THAP9: variants seen among roughly 807,000 people sequenced by gnomAD.
THAP9 encodes the protein THAP domain containing 9.
A neutral mutation model predicts 35.7 loss-of-function variants in THAP9; 20 were observed. The ratio of observed to expected loss-of-function variants is 0.56; its 90% confidence interval spans 0.39 to 0.81. The LOEUF is 0.81. Ranked by LOEUF, THAP9 falls within the 40% of genes least tolerant of loss-of-function variation. The pLI, the probability that THAP9 is intolerant of heterozygous loss-of-function variation, is 0.00. For missense variants in THAP9, 870 were observed against 1,047.4 expected, an observed-to-expected ratio of 0.83 and a Z score of 2.34; for synonymous variants, 335 against 373.7, an observed-to-expected ratio of 0.90 and a Z score of 1.19.
chr4:82,900,969 CT>C, intron 1 of THAP9, 87 bp downstream of exon 1: 1 of 1,483,724 alleles, frequency 6.7e-7, no homozygotes, highest in Non-Finnish European at 9.3e-7. Flanking sequence ...CCGGGCCGCA[CT>C]GTGGGTCGCG....
rs774120395 is a variant in THAP9 at position 82,917,653 on chromosome 4, C to T, written c.1441C>T (p.Leu481Phe). The change falls in exon 5 of 5, where the codon CTC becomes TTC. Residue 481 changes from leucine (L) to phenylalanine (F), a missense_variant. Transcript: ENST00000302236. ...ACTGAAAGTGAATAGTGCCACCCAA[C>T]TCTTTAGTGAGAGTGTAGCCAGTGC... ...HVLKVNSATQ[L>F]FSESVASALE... 1 of 1,613,520 alleles carries T rather than the reference C, an allele frequency of 6.2e-7. No homozygotes were observed. Among genetic ancestry groups the T allele is most frequent in the Admixed American group, 1.7e-5 (1 of 59,966 alleles).
At chr4:82,907,985 A>G (rs1248519937) in intron 4 of THAP9, 50 bp downstream of exon 4, 2 of 1,536,574 alleles carry the variant, frequency 1.3e-6, no homozygotes, top group Admixed American at 1.8e-5. Context: ...TTGTCAGGAC[A>G]TCTTGTTGAT....
intron 4 of THAP9, among the ~76,000 whole-genome samples, chr4:82,912,908 T>C (rs962410613): frequency 1.3e-5 from 2 of 152,204 alleles, no homozygotes; most frequent in African/African-American, 4.8e-5. Flanking sequence ...GGTTGATACT[T>C]AAGGGCGTGT....
At position 82,906,479 on chromosome 4, in the gene THAP9, A is replaced by C; in HGVS notation, c.432A>C (p.Gln144His). The C allele has an allele frequency of 6.2e-7, 1 of 1,613,860 alleles. No individual in the cohort carries two copies. Residue 144 changes from glutamine (Q) to histidine (H), a missense_variant, in exon 3 of 5, where the codon CAA becomes CAC. This residue lies in a region of THAP9 where 440 missense variants were observed against 501.2 expected (regional missense o/e 0.88). Transcript: ENST00000302236. Reference protein sequence around the residue: ...IGAEKLAEVQQMLQVSKKRLI... With the variant: ...IGAEKLAEVQHMLQVSKKRLI... ...CAGAGAAACTGGCTGAGGTGCAACA[A>C]ATGTTACAAGTGTCCAAAAAAAGAC...
chr4:82,910,148 G>A (rs1164443300), intron 4 of THAP9: 1 of 151,812 alleles, frequency 6.6e-6, no homozygotes, highest in Non-Finnish European at 1.5e-5. Flanking sequence ...TAATTCCAGC[G>A]CACATTTATC....
intron 2 of THAP9, chr4:82,905,907 G>A (rs779090753): frequency 4.4e-6 from 2 of 456,178 alleles, no homozygotes; most frequent in South Asian, 1.5e-5. Context: ...CTAATTGAGG[G>A]AGCTAAGATT....
At chr4:82,907,670 C>G in intron 3 of THAP9, 115 bp from the exon 4 acceptor site, 2 of 780,856 alleles carry the variant, frequency 2.6e-6, no homozygotes. Flanking sequence ...AATCAAAATG[C>G]AACTATATTT....
intron 4 of THAP9, among the ~76,000 whole-genome samples, chr4:82,909,446 A>G (rs902837639): frequency 2.0e-5 from 3 of 151,260 alleles, no homozygotes; most frequent in Non-Finnish European, 2.9e-5. Context: ...GTGTGCACTT[A>G]GATTTATTAG....
chr4:82,901,706 A>T (rs1578440942), intron 1 of THAP9, among the ~76,000 whole-genome samples: 2 of 37,112 alleles, frequency 5.4e-5, no homozygotes, highest in East Asian at 2.3e-3. Context: ...TATAAAATTC[A>T]TTGATTTTTT....
rs749090475 is a variant in THAP9, at chr4:82,900,780, G to A, written c.-23G>A. On this transcript the variant is annotated 5_prime_UTR_variant, in exon 1 of 5. The change creates a new upstream start codon in the 5' untranslated region. Transcript: ENST00000302236. ...TCATGCTGTCGCGGGAACCCCGAAG[G>A]TGGGGCCCCACGTAACAAGAAGATG... 3.3e-5 allele frequency: 53 copies of A among 1,613,444 alleles called. No homozygotes were observed. The highest frequency in any genetic ancestry group is 4.4e-5 in the Non-Finnish European group (52 of 1,179,954).
intron 4 of THAP9, among the ~76,000 whole-genome samples, chr4:82,912,965 G>A (rs1183009854): frequency 6.6e-6 from 1 of 152,130 alleles, no homozygotes; most frequent in Non-Finnish European, 1.5e-5. Context: ...AATAGATTCA[G>A]TATACAATTT....
chr4:82,907,764 T>C, intron 3 of THAP9, 21 bp from the exon 4 acceptor site: 1 of 1,554,154 alleles, frequency 6.4e-7, no homozygotes. Context: ...TCACAAAGAA[T>C]AAAAAAATTT....
chr4:82,911,760 T>C (rs190664905), intron 4 of THAP9, among the ~76,000 whole-genome samples: 10 of 152,310 alleles, frequency 6.6e-5, no homozygotes, highest in Admixed American at 5.9e-4. Flanking sequence ...CTCAAAGTTA[T>C]TAACTGAGAG....
chr4:82,913,526 T>G (rs1384854849), intron 4 of THAP9: 1 of 152,232 alleles, frequency 6.6e-6, no homozygotes, highest in African/African-American at 2.4e-5. Context: ...GCTGTAGCAC[T>G]GCTATACTGT....
rs1578449490 is a variant in THAP9, at chr4:82,909,131, T to C, written c.731+1196T>C. Among the ~76,000 whole-genome samples, 4 of 146,240 alleles carry C rather than the reference T, an allele frequency of 2.7e-5. No homozygotes were observed. In the Admixed American group the frequency reaches 2.7e-4, roughly 10 times the overall value. On this transcript the variant is annotated intron_variant, in intron 4 of 4. Coordinates refer to ENST00000302236, the MANE Select transcript of THAP9 (RefSeq NM_024672.6). Reference sequence around the variant, plus strand: ...CGTGTTGGCCAGGCTAATCTCGAACTCCTGATCTCGTGATCCACCCACCTC... The same window carrying C: ...CGTGTTGGCCAGGCTAATCTCGAACCCCTGATCTCGTGATCCACCCACCTC...
intron 1 of THAP9, chr4:82,903,634 G>C (rs1720518459): frequency 6.6e-6 from 1 of 152,554 alleles, no homozygotes; most frequent in Non-Finnish European, 1.5e-5. Context: ...AAACAATATA[G>C]TAAATATACT....
rs1392398269 is a variant in THAP9, at chr4:82,906,366, A to G, written c.319A>G (p.Ile107Val). 3 of 1,608,482 alleles carry G rather than the reference A, an allele frequency of 1.9e-6. No homozygotes were observed. Among genetic ancestry groups the G allele is most frequent in the Non-Finnish European group, 2.5e-6 (3 of 1,177,086 alleles). Residue 107 changes from isoleucine to valine, a missense_variant, in exon 3 of 5, where the codon ATC (isoleucine) becomes GTC (valine). Coordinates refer to ENST00000302236, the MANE Select transcript of THAP9 (RefSeq NM_024672.6). ...VHLKGKARQK[I>V]LKQPLPDNSQ... ...TCTTAAAGGTAAAGCAAGACAAAAAATCCTAAAACAACCTCTTCCAGACAA... is the reference window on the plus strand; with the variant it reads ...TCTTAAAGGTAAAGCAAGACAAAAAGTCCTAAAACAACCTCTTCCAGACAA...
rs1247991132 is a variant in THAP9 at position 82,917,556 on chromosome 4, A to G, written c.1344A>G (p.Val448=). 1 of 1,614,026 alleles carries G rather than the reference A, an allele frequency of 6.2e-7. No individual in the cohort carries two copies. Among genetic ancestry groups the G allele is most frequent in the South Asian group, 1.1e-5 (1 of 91,068 alleles). ...IAHWQHLVEL[V]ALEEQELSNM... ...ATTGGCAGCACCTCGTGGAGTTAGTAGCACTGGAGGAACAGGAATTATCAA... is the reference window on the plus strand; with the variant it reads ...ATTGGCAGCACCTCGTGGAGTTAGTGGCACTGGAGGAACAGGAATTATCAA... The change falls in exon 5 of 5, where the codon GTA becomes GTG. Residue 448 remains valine (V), a synonymous_variant. Transcript: ENST00000302236.
rs765542775 is a variant in THAP9 at position 82,907,867 on chromosome 4, G to A, written c.663G>A (p.Leu221=). 4 of 1,611,866 alleles carry A rather than the reference G, an allele frequency of 2.5e-6. No individual in the cohort carries two copies. Among genetic ancestry groups the A allele is most frequent in the South Asian group, 2.2e-5 (2 of 90,328 alleles). The part of the protein sequence containing the change: ...EMKQFACTLY[L]CSSKVYDYVR... ...AACAATTTGCATGTACACTCTACTTGTGCAGTAGCAAAGTCTATGATTATG... is the reference window on the plus strand; with the variant it reads ...AACAATTTGCATGTACACTCTACTTATGCAGTAGCAAAGTCTATGATTATG... Residue 221 remains leucine, a synonymous_variant, in exon 4 of 5, where the codon TTG becomes TTA. Coordinates refer to ENST00000302236, the MANE Select transcript of THAP9 (RefSeq NM_024672.6).
Sources: gnomAD v4.1 joint callset for allele counts (sites outside exome capture counted in the v4.1 genomes callset) on GRCh38, gnomAD v4.1.1 for gene constraint, gnomAD v4.1.1 regional missense constraint, MANE v1.5 for transcripts, NCBI Gene and HGNC (gene_info 2026-07-23, HGNC 2026-07-21) for gene names.